The following DYM variants were observed in gnomAD, a reference collection of about 807,000 sequenced individuals.
The protein encoded by DYM is dymeclin, also known as dyggve-Melchior-Clausen syndrome protein.
A neutral mutation model predicts 93.1 loss-of-function variants in DYM; 78 were observed. The observed-to-expected ratio is 0.84, with a 90% confidence interval of 0.70 to 1.01. The LOEUF (loss-of-function observed/expected upper bound fraction) is 1.01, where lower values mean the gene tolerates loss of function less well. Ranked by LOEUF, DYM falls within the 50% of genes least tolerant of loss-of-function variation. The pLI is 0.00. For missense variants in DYM, 789 were observed against 845.0 expected (o/e 0.93, Z 0.82); for synonymous variants, 321 against 319.7 (o/e 1.00, Z -0.04).
chr18:49,086,625 T>C lies in DYM; in HGVS notation c.2025+10777A>G, dbSNP rs574630079. ...ATCCTAATCTCCAGTGTGATAGTAT[T>C]TGGAGGTGAGGCTTTGGGGAAATAA... On this transcript the variant is annotated intron_variant, in intron 17 of 17. Transcript: ENST00000675505. Among the ~76,000 whole-genome samples, 353 of 152,152 alleles carry C rather than the reference T, an allele frequency of 2.3e-3. 2 individuals carry two copies. The highest frequency in any genetic ancestry group is 3.1e-3 in the Non-Finnish European group (213 of 67,986).
intron 16 of DYM, among the ~76,000 whole-genome samples, chr18:49,104,894 G>C (rs953020112): frequency 2.0e-5 from 3 of 152,204 alleles, no homozygotes; most frequent in Non-Finnish European, 4.4e-5. Flanking sequence ...TCTCCGCCAG[G>C]CTTTGGTATC....
At chr18:49,365,055 G>A (rs556505691) in intron 5 of DYM, among the ~76,000 whole-genome samples, 45 of 152,196 alleles carry the variant, frequency 3.0e-4, no homozygotes, top group African/African-American at 9.9e-4. Context: ...CTCACAAAGA[G>A]CTTGCACATA....
chr18:49,081,432 G>A (rs891083908), intron 17 of DYM, among the ~76,000 whole-genome samples: 8 of 152,034 alleles, frequency 5.3e-5, no homozygotes, highest in African/African-American at 1.4e-4. Context: ...CAGGGAGGTC[G>A]CCGTGAGCCG....
At position 49,440,439 on chromosome 18, in the gene DYM, G is replaced by T. The variant is rs866229646; in HGVS notation, c.-53-9992C>A. ...TATATAATATATATTTAGGAGTAAA[G>T]TGACTATATATTATATATTTATATA... On this transcript the variant is annotated intron_variant, in intron 1 of 17. Coordinates refer to ENST00000675505, the MANE Select transcript of DYM (RefSeq NM_001353214.3). Among the ~76,000 whole-genome samples the T allele has an allele frequency of 4.2e-5, 4 of 94,494 alleles. 1 individual carries two copies. The East Asian group carries it at 2.1e-3, about 49-fold the overall frequency. 62.0% of individuals were successfully genotyped at this position (94,494 alleles called of 152,430 possible).
At chr18:49,072,994 C>T (rs2077009939) in intron 17 of DYM, among the ~76,000 whole-genome samples, 1 of 152,186 alleles carries the variant, frequency 6.6e-6, no homozygotes, top group Non-Finnish European at 1.5e-5. Flanking sequence ...TCCCCTCGTC[C>T]AACCAAAAAC....
chr18:49,240,151 A>G (rs1471912352), intron 13 of DYM, among the ~76,000 whole-genome samples: 3 of 152,240 alleles, frequency 2.0e-5, no homozygotes, highest in African/African-American at 7.2e-5. Flanking sequence ...AGGAAGGTAT[A>G]ATTCAGAAAT....
At chr18:49,232,564 AGTGCTGGGATTACAGGCGTGAGCCACT>A (rs1188766873) in intron 13 of DYM, among the ~76,000 whole-genome samples, 3 of 146,626 alleles carry the variant, frequency 2.0e-5, no homozygotes, top group African/African-American at 7.6e-5. Context: ...CGGCCTCCAA[AGTGCTGGGATTACAGGCGTGAGCCACT>A]GTGCCCGGCC....
chr18:49,193,742 G>A (rs549710459), intron 14 of DYM, among the ~76,000 whole-genome samples: 7 of 152,250 alleles, frequency 4.6e-5, no homozygotes, highest in African/African-American at 1.7e-4. Flanking sequence ...AGAGAGACTT[G>A]GATTCTACTT....
In DYM at chr18:49,181,182, T is replaced by C. The variant is rs537146160; in HGVS notation, c.1626-17395A>G. 3.3e-5 allele frequency among the ~76,000 whole-genome samples: 5 copies of C among 152,256 alleles called. No individual in the cohort carries two copies. The South Asian group carries it at 8.3e-4, about 25-fold the overall frequency. On this transcript the variant is annotated intron_variant, in intron 14 of 17. Coordinates refer to ENST00000675505, the MANE Select transcript of DYM (RefSeq NM_001353214.3). ...AGATGGGTATTTTAAACAAAAGAGA[T>C]GTGCTCTGGTAAGAAAAAGTCAAGG...
intron 8 of DYM, among the ~76,000 whole-genome samples, chr18:49,320,733 A>C (rs954443340): frequency 3.3e-5 from 5 of 152,112 alleles, no homozygotes; most frequent in South Asian, 2.1e-4. Context: ...TGGGCCTCCT[A>C]AAGTGCTGGG....
chr18:49,273,719 A>G (rs991940906), intron 10 of DYM, among the ~76,000 whole-genome samples: 3 of 152,110 alleles, frequency 2.0e-5, no homozygotes, highest in African/African-American at 7.2e-5. Context: ...TTGTGTAAGT[A>G]CATGCTATGA....
intron 8 of DYM, among the ~76,000 whole-genome samples, chr18:49,299,167 T>C (rs578020385): frequency 6.6e-6 from 1 of 152,126 alleles, no homozygotes; most frequent in Non-Finnish European, 1.5e-5. Context: ...AGGAAAACTT[T>C]TTAAAAAAAT....
At chr18:49,449,193 C>G (rs1218462737) in intron 1 of DYM, among the ~76,000 whole-genome samples, 1 of 152,150 alleles carries the variant, frequency 6.6e-6, no homozygotes, top group Non-Finnish European at 1.5e-5. Flanking sequence ...TTCTGAAGAC[C>G]CTGATAGGTA....
At chr18:49,106,936 A>C (rs2080873836) in intron 16 of DYM, among the ~76,000 whole-genome samples, 1 of 152,020 alleles carries the variant, frequency 6.6e-6, no homozygotes, top group Non-Finnish European at 1.5e-5. Context: ...GTATTTCCTG[A>C]ATTTGAATGT....
intron 1 of DYM, among the ~76,000 whole-genome samples, chr18:49,444,932 G>A (rs1188760632): frequency 1.3e-5 from 2 of 152,092 alleles, no homozygotes; most frequent in African/African-American, 4.8e-5. Context: ...TTAATAGGTG[G>A]TTAATGCTGC....
At chr18:49,272,420 A>G in intron 10 of DYM, 117 bp from the exon 11 acceptor site, 1 of 771,164 alleles carries the variant, frequency 1.3e-6, no homozygotes, top group South Asian at 1.8e-5. Flanking sequence ...ATTTTTCATT[A>G]GAGAAAAAAC....
At chr18:49,202,253 G>A (rs2145909938) in intron 14 of DYM, among the ~76,000 whole-genome samples, 1 of 152,278 alleles carries the variant, frequency 6.6e-6, no homozygotes, top group Admixed American at 6.5e-5. Flanking sequence ...AGCCATTCGC[G>A]ACCTTTTGGT....
chr18:49,459,732 A>C (rs532832568), intron 1 of DYM, among the ~76,000 whole-genome samples: 1 of 152,168 alleles, frequency 6.6e-6, no homozygotes, highest in East Asian at 1.9e-4. Flanking sequence ...GAACAGCTTT[A>C]TCCAATCAGC....
intron 1 of DYM, among the ~76,000 whole-genome samples, chr18:49,454,306 T>C (rs181253005): frequency 6.6e-6 from 1 of 152,332 alleles, no homozygotes; most frequent in African/African-American, 2.4e-5. Context: ...TTCTTTTTAA[T>C]GAAAAGCAGC....
Sources: allele counts gnomAD v4.1 joint callset (sites outside exome capture counted in the v4.1 genomes callset), GRCh38; gene constraint gnomAD v4.1.1; transcripts MANE v1.5; gene names NCBI Gene and HGNC (gene_info 2026-07-23, HGNC 2026-07-21).